RNF17: variants seen among roughly 807,000 people sequenced by gnomAD.
RNF17 encodes the protein ring finger protein 17, also known as spermatogenesis associated 23.
Under a neutral mutation model 200.5 loss-of-function variants are expected in RNF17, and 31 were observed. That is an observed-to-expected ratio of 0.15 (90% CI 0.12 to 0.21). The LOEUF (loss-of-function observed/expected upper bound fraction) is 0.21, where lower values mean the gene tolerates loss of function less well. Ranked by LOEUF, RNF17 falls within the 10% of genes least tolerant of loss-of-function variation. The pLI, the probability that RNF17 is intolerant of heterozygous loss-of-function variation, is 1.00. For missense variants in RNF17, 1,628 were observed against 1,905.1 expected (o/e 0.85, Z 2.71); for synonymous variants, 606 against 637.8 (o/e 0.95, Z 0.75).
intron 9 of RNF17, among the ~76,000 whole-genome samples, chr13:24,791,163 A>G (rs529817643): frequency 3.3e-5 from 5 of 152,270 alleles, no homozygotes; most frequent in African/African-American, 1.2e-4. Context: ...TTGGGGGATT[A>G]TTTGGCGTAA....
chr13:24,816,640 T>A (rs569250417), intron 15 of RNF17, among the ~76,000 whole-genome samples: 168 of 152,370 alleles, frequency 1.1e-3, no homozygotes, highest in African/African-American at 3.8e-3. Context: ...AAAATGCTGC[T>A]TTTATTTCAT....
Position 24,764,554 on chromosome 13 carries a change from C to T in RNF17, c.130+221C>T, listed in dbSNP as rs117721024. ...CGCCTGTCACGGCTTTCTCCAATTA[C>T]CCATCCAGGCCTCACCGACCCTCCA... On this transcript the variant is annotated intron_variant, in intron 1 of 35. Coordinates refer to ENST00000255324, the MANE Select transcript of RNF17 (RefSeq NM_031277.3). Among the ~76,000 whole-genome samples the T allele has an allele frequency of 3.3e-3, 497 of 152,348 alleles. 11 individuals are homozygous for T. The East Asian group carries it at 0.04, about 12-fold the overall frequency.
At chr13:24,758,973 G>A in the RNF17 span, among the ~76,000 whole-genome samples, 330 of 151,340 alleles carry the variant, frequency 2.2e-3, no homozygotes, top group African/African-American at 6.5e-3. Context: ...CTACTTACTC[G>A]GGAGGCTGAG....
chr13:24,822,704 G>T (rs1316047728), intron 15 of RNF17, among the ~76,000 whole-genome samples: 1 of 152,192 alleles, frequency 6.6e-6, no homozygotes, highest in Middle Eastern at 3.2e-3. Flanking sequence ...TTAGGCATCA[G>T]CCACTGCACC....
chr13:24,842,299 C>G, intron 19 of RNF17, 138 bp downstream of exon 19: 1 of 635,092 alleles, frequency 1.6e-6, no homozygotes, highest in Non-Finnish European at 2.4e-6. Flanking sequence ...TGTCCTGGAC[C>G]AGAAAAAATA....
rs1287334070 is a variant in RNF17, at chr13:24,877,776, T to C, written c.4773+590T>C. ...AATTGTACTAATCTCATAATTGTAC[T>C]ACTTATTTGATGTAGTAGAACCTGT... On this transcript the variant is annotated intron_variant, in intron 34 of 35. Transcript: ENST00000255324. Among the ~76,000 whole-genome samples, 4 of 152,354 alleles carry C rather than the reference T, an allele frequency of 2.6e-5. No homozygotes were observed. The East Asian group carries it at 7.7e-4, about 29-fold the overall frequency.
chr13:24,764,890 T>G (rs74824382), intron 1 of RNF17, among the ~76,000 whole-genome samples: 515 of 8,678 alleles, frequency 0.059, no homozygotes, highest in Admixed American at 0.12. Context: ...CCTTGTGGGG[T>G]GTGTGTGTGT....
intron 13 of RNF17, among the ~76,000 whole-genome samples, chr13:24,801,131 C>G (rs1475676709): frequency 2.0e-5 from 3 of 152,038 alleles, no homozygotes; most frequent in Non-Finnish European, 4.4e-5. Flanking sequence ...AAAAAGGAAA[C>G]ACAAAAATAG....
rs1250941169 is a variant in RNF17, at chr13:24,877,157, C to A, written c.4744C>A (p.Gln1582Lys). Reference sequence around the variant, plus strand: ...ACTGTGGGCTATGATAGACTGTCTTCAAGGAAAACAACTCTATGCTGTGTC... The same window carrying A: ...ACTGTGGGCTATGATAGACTGTCTTAAAGGAAAACAACTCTATGCTGTGTC... Reference protein sequence around the residue: ...EALWAMIDCLQGKQLYAVSMA... With the variant: ...EALWAMIDCLKGKQLYAVSMA... The change falls in exon 34 of 36, where the codon CAA becomes AAA. Residue 1582 changes from glutamine (Q) to lysine (K), a missense_variant. Gln to Lys is a moderately conservative substitution (Grantham distance 53). Coordinates refer to ENST00000255324, the MANE Select transcript of RNF17 (RefSeq NM_031277.3). The A allele has an allele frequency of 1.9e-6, 3 of 1,612,804 alleles. No individual in the cohort carries two copies. The highest frequency in any genetic ancestry group is 2.5e-6 in the Non-Finnish European group (3 of 1,179,566).
intron 22 of RNF17, among the ~76,000 whole-genome samples, chr13:24,846,718 A>G (rs1891294855): frequency 6.6e-6 from 1 of 152,214 alleles, no homozygotes; most frequent in Admixed American, 6.5e-5. Context: ...ATTGAAAAAA[A>G]TCTCATAATG....
intron 18 of RNF17, among the ~76,000 whole-genome samples, chr13:24,836,649 A>G (rs538144433): frequency 6.6e-5 from 10 of 152,346 alleles, no homozygotes; most frequent in Admixed American, 3.3e-4. Flanking sequence ...TTTTCAGACA[A>G]ACAAAGGCTG....
chr13:24,753,544 G>A, the RNF17 span, among the ~76,000 whole-genome samples: 10 of 152,184 alleles, frequency 6.6e-5, no homozygotes, highest in Non-Finnish European at 1.2e-4. Context: ...AGAAAGGCAA[G>A]GAGTTGAGGA....
At chr13:24,842,626 T>C (rs1593404847) in intron 19 of RNF17, among the ~76,000 whole-genome samples, 2 of 152,184 alleles carry the variant, frequency 1.3e-5, no homozygotes, top group Middle Eastern at 3.4e-3. Context: ...GACAGGCTAG[T>C]GGTTAGGGTG....
At chr13:24,802,670 T>A in intron 14 of RNF17, 99 bp downstream of exon 14, 1 of 857,952 alleles carries the variant, frequency 1.2e-6, no homozygotes, top group Non-Finnish European at 1.8e-6. Flanking sequence ...AAGTAAACCT[T>A]AACATACCTG....
At chr13:24,782,577 T>C (rs1882536163) in intron 6 of RNF17, among the ~76,000 whole-genome samples, 1 of 148,166 alleles carries the variant, frequency 6.7e-6, no homozygotes, top group South Asian at 2.2e-4. Context: ...GTGATCATCC[T>C]GTCTAAGCTC....
intron 24 of RNF17, 39 bp downstream of exon 24, chr13:24,851,610 A>G (rs201229569): frequency 3.3e-6 from 4 of 1,221,502 alleles, no homozygotes; most frequent in Non-Finnish European, 3.6e-6. Flanking sequence ...TCAGTTTGTG[A>G]TGGATGCCTC....
At chr13:24,815,853 G>A (rs547740541) in intron 15 of RNF17, among the ~76,000 whole-genome samples, 1 of 152,206 alleles carries the variant, frequency 6.6e-6, no homozygotes, top group Admixed American at 6.5e-5. Context: ...CCTTCATCCT[G>A]TCAATGTGGT....
intron 11 of RNF17, among the ~76,000 whole-genome samples, chr13:24,797,435 T>C (rs1387773098): frequency 1.3e-5 from 2 of 152,180 alleles, no homozygotes; most frequent in African/African-American, 4.8e-5. Flanking sequence ...CAGCAGACTT[T>C]TATCCATTGA....
upstream of RNF17, among the ~76,000 whole-genome samples, chr13:24,762,649 T>C (rs1259437162): frequency 1.3e-5 from 2 of 152,150 alleles, no homozygotes; most frequent in Non-Finnish European, 2.9e-5. Context: ...TTCAAGAGAA[T>C]ACTTACTTCA....
Sources: allele counts gnomAD v4.1 joint callset (sites outside exome capture counted in the v4.1 genomes callset), GRCh38; gene constraint gnomAD v4.1.1; transcripts MANE v1.5; gene names NCBI Gene and HGNC (gene_info 2026-07-23, HGNC 2026-07-21).